CDC42BPB: variants seen among roughly 807,000 people sequenced by gnomAD.
CDC42BPB encodes CDC42 binding protein kinase beta.
A neutral mutation model predicts 214.9 loss-of-function variants in CDC42BPB; 37 were observed. The observed-to-expected ratio is 0.17, with a 90% CI of 0.13 to 0.23. The LOEUF is 0.23. Among genes scored for constraint, CDC42BPB ranks in the 10% least tolerant of loss-of-function variants. The pLI is 1.00. For synonymous variants in CDC42BPB, 931 were observed against 884.0 expected, an observed-to-expected ratio of 1.05 and a Z score of -0.94; for missense variants, 1,694 against 2,227.0, an observed-to-expected ratio of 0.76 and a Z score of 4.82.
intron 1 of CDC42BPB, among the ~76,000 whole-genome samples, chr14:103,025,898 T>C (rs1887026715): frequency 6.8e-6 from 1 of 147,836 alleles, no homozygotes; most frequent in African/African-American, 2.5e-5. Flanking sequence ...AGACACAAAA[T>C]ACTGCAGGAT....
rs1595493347 is a variant in CDC42BPB at position 102,983,542 on chromosome 14, ATGC to A, written c.891+11_891+13del. 5.7e-6 allele frequency: 9 copies of A among 1,589,312 alleles called. No homozygotes were observed. Among genetic ancestry groups the A allele is most frequent in the South Asian group, 2.3e-5 (2 of 87,798 alleles). On this transcript the variant is annotated intron_variant, in intron 7 of 36. Coordinates refer to ENST00000361246, the MANE Select transcript of CDC42BPB (RefSeq NM_006035.4). ...GCCAGGTACCAAAAAAAAAAAAAAA[ATGC>A]AACGTCTTACTTCATGGTTCATGAT... is the stretch of plus-strand genomic sequence containing the variant.
chr14:102,948,986 GCCCTGC>G (rs1892351513), intron 26 of CDC42BPB, among the ~76,000 whole-genome samples: 1 of 152,090 alleles, frequency 6.6e-6, no homozygotes, highest in Non-Finnish European at 1.5e-5. Flanking sequence ...CCACCCAGCA[GCCCTGC>G]CCCCAAGAAC....
At chr14:102,950,733 A>T in intron 24 of CDC42BPB, 131 bp from the exon 25 acceptor site, 2 of 1,359,956 alleles carry the variant, frequency 1.5e-6, no homozygotes, top group Non-Finnish European at 1.9e-6. Context: ...TCGGAGGCCG[A>T]GGTGGGCAGA....
intron 5 of CDC42BPB, among the ~76,000 whole-genome samples, chr14:102,996,155 C>T (rs952189471): frequency 3.3e-5 from 5 of 152,086 alleles, no homozygotes; most frequent in South Asian, 2.1e-4. Flanking sequence ...CTGGCTAACA[C>T]GGTGAAACCC....
intron 5 of CDC42BPB, among the ~76,000 whole-genome samples, chr14:102,995,454 C>T (rs1474573942): frequency 1.3e-5 from 2 of 152,222 alleles, no homozygotes; most frequent in Non-Finnish European, 2.9e-5. Context: ...GGATTACAGG[C>T]GTGAGCCACT....
intron 8 of CDC42BPB, among the ~76,000 whole-genome samples, chr14:102,978,671 A>G (rs1013794778): frequency 1.3e-5 from 2 of 152,206 alleles, no homozygotes; most frequent in African/African-American, 2.4e-5. Context: ...TAAGTTTATT[A>G]TAACTCTATT....
intron 1 of CDC42BPB, among the ~76,000 whole-genome samples, chr14:103,024,922 C>T (rs1454522060): frequency 6.6e-6 from 1 of 152,116 alleles, no homozygotes; most frequent in Non-Finnish European, 1.5e-5. Context: ...GTCTTTACTC[C>T]CCACATAAGA....
Position 102,967,042 on chromosome 14 carries a change from G to A in CDC42BPB, c.2471+4C>T, listed in dbSNP as rs55722897. ...CACGGCCGCTAATGGGGCCGCGCAC[G>A]TACCACTGAATGATTTCCGCAATCT... is the stretch of plus-strand genomic sequence containing the variant. On this transcript the variant is annotated splice_donor_region_variant and intron_variant, in intron 17 of 36. Transcript: ENST00000361246. The A allele has an allele frequency of 6.9e-5, 111 of 1,613,582 alleles. No individual in the cohort carries two copies. The East Asian group carries it at 1.6e-3, about 23-fold the overall frequency.
At chr14:102,960,392 G>A (rs1892905796) in intron 20 of CDC42BPB, among the ~76,000 whole-genome samples, 1 of 152,032 alleles carries the variant, frequency 6.6e-6, no homozygotes, top group Admixed American at 6.6e-5. Flanking sequence ...CAAGGTCGGA[G>A]GACTGCTTGA....
intron 2 of CDC42BPB, among the ~76,000 whole-genome samples, chr14:103,009,118 T>A (rs1173807230): frequency 6.6e-6 from 1 of 152,212 alleles, no homozygotes; most frequent in Non-Finnish European, 1.5e-5. Flanking sequence ...AACTCAGCAC[T>A]TCCTGTAAGC....
chr14:102,957,167 C>A (rs934571183), intron 21 of CDC42BPB, among the ~76,000 whole-genome samples: 1 of 144,030 alleles, frequency 6.9e-6, no homozygotes, highest in African/African-American at 2.6e-5. Flanking sequence ...CACCACTGCA[C>A]TCCAGCCTGG....
chr14:103,056,973 G>A (rs1161877717), intron 1 of CDC42BPB, 26 bp downstream of exon 1: 6 of 1,367,170 alleles, frequency 4.4e-6, no homozygotes, highest in African/African-American at 1.5e-5. Context: ...AGAGCCGCAG[G>A]TCCGGCCCTG....
intron 3 of CDC42BPB, among the ~76,000 whole-genome samples, chr14:103,008,253 C>T (rs1191586362): frequency 1.3e-5 from 2 of 152,234 alleles, no homozygotes; most frequent in African/African-American, 2.4e-5. Context: ...AGGGTGCACT[C>T]TCAGGAACAG....
intron 1 of CDC42BPB, among the ~76,000 whole-genome samples, chr14:103,026,083 G>A (rs939842891): frequency 1.2e-4 from 18 of 152,230 alleles, no homozygotes; most frequent in African/African-American, 3.4e-4. Context: ...AGGCCTACAT[G>A]TAAGAACTCA....
chr14:102,980,001 C>T (rs984796201), intron 8 of CDC42BPB, among the ~76,000 whole-genome samples: 3 of 152,180 alleles, frequency 2.0e-5, no homozygotes, highest in Non-Finnish European at 2.9e-5. Context: ...CCAATGCAGA[C>T]ACAAAGCGCT....
intron 5 of CDC42BPB, among the ~76,000 whole-genome samples, chr14:102,994,110 G>T (rs1340896136): frequency 6.6e-6 from 1 of 152,158 alleles, no homozygotes; most frequent in Admixed American, 6.5e-5. Context: ...CACAACAGGT[G>T]TTCTATGGAC....
chr14:103,048,103 G>A (rs546111985), intron 1 of CDC42BPB, among the ~76,000 whole-genome samples: 23 of 152,280 alleles, frequency 1.5e-4, no homozygotes, highest in Admixed American at 1.3e-3. Flanking sequence ...CTCAGTAGCA[G>A]GCCCGCAGGA....
At chr14:102,961,186 CAATCA>C (rs1892940949) in intron 20 of CDC42BPB, among the ~76,000 whole-genome samples, 1 of 151,900 alleles carries the variant, frequency 6.6e-6, no homozygotes, top group Non-Finnish European at 1.5e-5. Context: ...ATCAATCAAT[CAATCA>C]ATCAATCAAT....
chr14:102,943,957 C>T lies in CDC42BPB; in HGVS notation c.4342G>A (p.Val1448Met), dbSNP rs1892022642. ...LLCFSHMGLYVDPQGRRARAQ... is the reference protein window; with the variant it reads ...LLCFSHMGLYMDPQGRRARAQ... The stretch of plus-strand genomic sequence containing the variant: ...CGTGCCCTCCGGCCTTGCGGGTCCA[C>T]GTACAGTCCCATGTGGCTGAAGCAA... Residue 1448 changes from valine to methionine, a missense_variant, in exon 30 of 37, where the codon GTG (valine) becomes ATG (methionine). Physicochemically the swap from Val to Met is conservative, Grantham distance 21 (BLOSUM62 1). Transcript: ENST00000361246. This position sits in a 1 kb window ranked among gnomAD's most constrained non-coding sequence, Gnocchi z 4.6. 3 of 1,612,896 alleles carry T rather than the reference C, an allele frequency of 1.9e-6. No individual in the cohort carries two copies. The highest frequency in any genetic ancestry group is 2.2e-5 in the East Asian group (1 of 44,870).
Sources: gnomAD v4.1 joint callset for allele counts (sites outside exome capture counted in the v4.1 genomes callset) on GRCh38, gnomAD v4.1.1 for gene constraint, Gnocchi (gnomAD v3.1) non-coding constraint, MANE v1.5 for transcripts, NCBI Gene and HGNC (gene_info 2026-07-23, HGNC 2026-07-21) for gene names.